The following NAV2 variants were observed in gnomAD, a reference collection of about 807,000 sequenced individuals.
NAV2 encodes helicase, APC down-regulated 1.
NAV2 carries 54 observed loss-of-function variants against 223.2 expected under a neutral mutation model. The observed-to-expected ratio is 0.24, with a 90% CI of 0.19 to 0.30. The LOEUF is 0.30. Among genes scored for constraint, NAV2 ranks in the 10% least tolerant of loss-of-function variants. The pLI is 1.00. For missense variants in NAV2, 2,806 were observed against 3,147.5 expected (o/e 0.89, Z 2.60); for synonymous variants, 1,279 against 1,239.3 (o/e 1.03, Z -0.67).
chr11:19,940,228 G>C (rs2046297315), intron 8 of NAV2, among the ~76,000 whole-genome samples: 1 of 151,628 alleles, frequency 6.6e-6, no homozygotes, highest in South Asian at 2.1e-4. Context: ...GGGGAAAATT[G>C]TAACATGCTT....
At chr11:19,855,819 T>A (rs1275476359) in intron 3 of NAV2, among the ~76,000 whole-genome samples, 7 of 152,222 alleles carry the variant, frequency 4.6e-5, no homozygotes, top group Non-Finnish European at 8.8e-5. Context: ...TTCTTCCTAC[T>A]TGGTCTTTTC....
chr11:19,871,663 C>G (rs924661519), intron 4 of NAV2, among the ~76,000 whole-genome samples: 2 of 152,300 alleles, frequency 1.3e-5, no homozygotes, highest in Non-Finnish European at 1.5e-5. Flanking sequence ...CGTGTGGGCT[C>G]CATTTTCCAC....
rs759268104 is a variant in NAV2 at position 19,934,250 on chromosome 11, C to T, written c.2006C>T (p.Thr669Ile). 6.2e-7 allele frequency: 1 copy of T among 1,604,934 alleles called. No individual in the cohort carries two copies. The highest frequency in any genetic ancestry group is 8.5e-7 in the Non-Finnish European group (1 of 1,175,300). ...QPQQQYNHPN[T>I]ATVAPFLYRS... is the part of the protein sequence containing the mutation. Reference sequence around the variant, plus strand: ...CAGCAGCAATACAACCATCCCAACACTGCCACGGTTGCACCTTTCCTGTAC... The same window carrying T: ...CAGCAGCAATACAACCATCCCAACATTGCCACGGTTGCACCTTTCCTGTAC... Residue 669 changes from threonine (T) to isoleucine (I), a missense_variant, in exon 7 of 38, where the codon ACT (threonine) becomes ATT (isoleucine). Thr to Ile is a moderately conservative substitution (Grantham distance 89). Around this residue, in one of 4 missense-constraint regions of NAV2, gnomAD observed 1,167 missense variants for 1,180.5 expected, o/e 0.99. Coordinates refer to ENST00000349880, the MANE Select transcript of NAV2 (RefSeq NM_145117.5).
intron 1 of NAV2, among the ~76,000 whole-genome samples, chr11:19,458,689 C>T (rs1466376714): frequency 6.6e-6 from 1 of 152,204 alleles, no homozygotes; most frequent in African/African-American, 2.4e-5. Context: ...GGATTTGAAC[C>T]CAAAAAGCCT....
At chr11:20,037,397 G>A (rs34579447) in intron 12 of NAV2, among the ~76,000 whole-genome samples, 47,696 of 151,190 alleles carry the variant, frequency 0.32, 8,091 homozygotes, top group East Asian at 0.55. Context: ...ATGTATCAGA[G>A]TGTGGGAGTA....
At chr11:19,458,613 GA>G (rs2133842153) in intron 1 of NAV2, among the ~76,000 whole-genome samples, 1 of 152,276 alleles carries the variant, frequency 6.6e-6, no homozygotes, top group Non-Finnish European at 1.5e-5. Context: ...ACCTTTTATA[GA>G]AAAGGAAACC....
intron 1 of NAV2, among the ~76,000 whole-genome samples, chr11:19,755,908 C>T (rs191757872): frequency 6.6e-6 from 1 of 152,324 alleles, no homozygotes; most frequent in East Asian, 1.9e-4. Flanking sequence ...GGACAACCAC[C>T]TTACATATAG....
intron 1 of NAV2, among the ~76,000 whole-genome samples, chr11:19,720,788 C>G (rs2050691331): frequency 6.6e-6 from 1 of 152,228 alleles, no homozygotes; most frequent in Admixed American, 6.5e-5. Context: ...CTGAAGAGAA[C>G]TGGAAATGAC....
chr11:19,462,070 T>C (rs897734827), intron 1 of NAV2, among the ~76,000 whole-genome samples: 1 of 152,156 alleles, frequency 6.6e-6, no homozygotes, highest in African/African-American at 2.4e-5. Context: ...TGACCTCCTA[T>C]AGTGCTGGGA....
chr11:20,044,803 C>T (rs1591816578), intron 13 of NAV2, among the ~76,000 whole-genome samples, 165 bp from the exon 14 acceptor site: 1 of 152,122 alleles, frequency 6.6e-6, no homozygotes, highest in African/African-American at 2.4e-5. Flanking sequence ...TCCTAAAAGG[C>T]TCACGGTACA....
chr11:19,541,059 T>C (rs1045872683), intron 1 of NAV2, among the ~76,000 whole-genome samples: 11 of 152,230 alleles, frequency 7.2e-5, no homozygotes, highest in Admixed American at 6.5e-5. Context: ...GTATTTGTCT[T>C]TTTAAATGTT....
At chr11:19,636,873 C>T (rs570413403) in intron 1 of NAV2, among the ~76,000 whole-genome samples, 19 of 152,178 alleles carry the variant, frequency 1.2e-4, no homozygotes, top group Non-Finnish European at 2.8e-4. Context: ...AGTCCAGAAT[C>T]CAGCTGGTGT....
chr11:19,647,245 G>A (rs1314327694), intron 1 of NAV2, among the ~76,000 whole-genome samples: 2 of 152,176 alleles, frequency 1.3e-5, no homozygotes, highest in Non-Finnish European at 2.9e-5. Context: ...CCAGGCTGAT[G>A]GGTTTCCAGA....
intron 1 of NAV2, among the ~76,000 whole-genome samples, chr11:19,491,977 G>C (rs1170048284): frequency 6.6e-6 from 1 of 151,200 alleles, no homozygotes; most frequent in Non-Finnish European, 1.5e-5. Flanking sequence ...GAGAGAGAGA[G>C]AGAGAGAGAA....
At chr11:20,009,627 A>C (rs1377657276) in intron 11 of NAV2, among the ~76,000 whole-genome samples, 1 of 152,150 alleles carries the variant, frequency 6.6e-6, no homozygotes, top group Non-Finnish European at 1.5e-5. Flanking sequence ...CAAAAGCAGT[A>C]AATGCCTGTC....
In NAV2 at chr11:19,839,210, A is replaced by C. The variant is rs114003028; in HGVS notation, c.386-3661A>C. Among the ~76,000 whole-genome samples, 549 of 152,266 alleles carry C rather than the reference A, an allele frequency of 3.6e-3. 4 individuals are homozygous for C. The highest frequency in any genetic ancestry group is 0.013 in the African/African-American group (531 of 41,538). On this transcript the variant is annotated intron_variant, in intron 2 of 37. Transcript: ENST00000349880. ...CACAGTGGCATCTCTGTGAATTATT[A>C]AGAAGGTTTAAGAGGCCAGGATAAA...
At chr11:19,694,706 G>A (rs756361173) in intron 1 of NAV2, among the ~76,000 whole-genome samples, 6 of 152,164 alleles carry the variant, frequency 3.9e-5, no homozygotes, top group Non-Finnish European at 7.4e-5. Flanking sequence ...TCCTTAGAAT[G>A]AAATTTTAGA....
At chr11:20,024,475 A>G (rs1219932969) in intron 11 of NAV2, among the ~76,000 whole-genome samples, 1 of 151,062 alleles carries the variant, frequency 6.6e-6, no homozygotes, top group Non-Finnish European at 1.5e-5. Flanking sequence ...CGCTGAATGT[A>G]TGGAGTCTTG....
At chr11:19,976,691 G>A (rs1277555383) in intron 10 of NAV2, among the ~76,000 whole-genome samples, 1 of 152,234 alleles carries the variant, frequency 6.6e-6, no homozygotes, top group Non-Finnish European at 1.5e-5. Flanking sequence ...ACTTCCTGCT[G>A]TACCTTGACC....
Sources: gnomAD v4.1 joint callset for allele counts (sites outside exome capture counted in the v4.1 genomes callset) on GRCh38, gnomAD v4.1.1 for gene constraint, gnomAD v4.1.1 regional missense constraint, MANE v1.5 for transcripts, NCBI Gene and HGNC (gene_info 2026-07-23, HGNC 2026-07-21) for gene names.